DLGAP1: variants seen among roughly 807,000 people sequenced by gnomAD.
The protein encoded by DLGAP1 is disks large-associated protein 1.
In DLGAP1, 11 loss-of-function variants were observed where a neutral mutation model predicts 90.8. The ratio of observed to expected loss-of-function variants is 0.12; its 90% CI spans 0.08 to 0.20. DLGAP1 has a LOEUF of 0.20. Among genes scored for constraint, DLGAP1 ranks in the 10% least tolerant of loss-of-function variants. The pLI is 1.00. For synonymous variants in DLGAP1, 558 were observed against 540.7 expected, an observed-to-expected ratio of 1.03 and a Z score of -0.44; for missense variants, 1,050 against 1,333.8, an observed-to-expected ratio of 0.79 and a Z score of 3.31.
At chr18:4,261,182 G>C (rs919984165) in intron 1 of DLGAP1, among the ~76,000 whole-genome samples, 5 of 152,158 alleles carry the variant, frequency 3.3e-5, no homozygotes, top group African/African-American at 9.7e-5. Context: ...AGGAGAGAGA[G>C]AAAGAAAGGG....
chr18:3,784,554 C>T (rs1451931677), intron 5 of DLGAP1, among the ~76,000 whole-genome samples: 1 of 152,138 alleles, frequency 6.6e-6, no homozygotes, highest in Non-Finnish European at 1.5e-5. Flanking sequence ...TCAACGGCAA[C>T]CCACCCACAA....
chr18:3,719,283 T>C (rs1177840646), intron 7 of DLGAP1, among the ~76,000 whole-genome samples: 2 of 151,728 alleles, frequency 1.3e-5, no homozygotes, highest in Non-Finnish European at 2.9e-5. Context: ...TATGGACTAT[T>C]TGGCCAGGTG....
rs114327566 is a variant in DLGAP1, at chr18:3,873,452, G to A, written c.957+5660C>T. The stretch of plus-strand genomic sequence containing the variant: ...ATAAAGAAAATCATCAATGAATGTG[G>A]TGGATGGGATTTCAGAAAAAGGCAG... On this transcript the variant is annotated intron_variant, in intron 4 of 12. Coordinates refer to ENST00000315677, the MANE Select transcript of DLGAP1 (RefSeq NM_004746.4). 3.4e-3 allele frequency among the ~76,000 whole-genome samples: 515 copies of A among 152,320 alleles called. 3 individuals carry two copies. The highest frequency in any genetic ancestry group is 0.012 in the African/African-American group (479 of 41,576).
intron 1 of DLGAP1, among the ~76,000 whole-genome samples, chr18:4,193,612 A>C (rs2077441066): frequency 6.6e-6 from 1 of 152,248 alleles, no homozygotes; most frequent in Non-Finnish European, 1.5e-5. Context: ...TTGATTACAG[A>C]AACAAGCATA....
At chr18:3,654,537 T>C (rs1360481236) in intron 7 of DLGAP1, among the ~76,000 whole-genome samples, 1 of 152,198 alleles carries the variant, frequency 6.6e-6, no homozygotes, top group African/African-American at 2.4e-5. Flanking sequence ...TTCAAAGCCA[T>C]TCCTTGATAA....
intron 2 of DLGAP1, among the ~76,000 whole-genome samples, chr18:4,077,577 G>C (rs12961534): frequency 0.61 from 91,802 of 151,712 alleles, 28,475 homozygotes; most frequent in Non-Finnish European, 0.65. Context: ...CCTCCTGCCC[G>C]CCTGACCCAC....
intron 1 of DLGAP1, among the ~76,000 whole-genome samples, chr18:4,264,135 T>C (rs2079057479): frequency 6.6e-6 from 1 of 152,244 alleles, no homozygotes; most frequent in African/African-American, 2.4e-5. Context: ...AGGAGCTTCC[T>C]GTATTTTTAG....
intron 5 of DLGAP1, among the ~76,000 whole-genome samples, chr18:3,793,363 T>C (rs182899820): frequency 6.6e-6 from 1 of 152,150 alleles, no homozygotes; most frequent in Admixed American, 6.5e-5. Flanking sequence ...CTGACTTCCA[T>C]CCTTGCCTCC....
chr18:3,656,620 A>G (rs1241037417), intron 7 of DLGAP1, among the ~76,000 whole-genome samples: 2 of 152,042 alleles, frequency 1.3e-5, no homozygotes, highest in African/African-American at 4.8e-5. Context: ...TCTTGGTCTG[A>G]TGGGTTTAGA....
chr18:3,964,598 G>A (rs1407759199), intron 3 of DLGAP1, among the ~76,000 whole-genome samples: 12 of 152,084 alleles, frequency 7.9e-5, no homozygotes, highest in East Asian at 7.7e-4. Context: ...CAGGAGCACC[G>A]CTACTGAAGA....
chr18:4,074,344 G>A (rs1423519124), intron 2 of DLGAP1, among the ~76,000 whole-genome samples: 1 of 151,974 alleles, frequency 6.6e-6, no homozygotes, highest in African/African-American at 2.4e-5. Flanking sequence ...TCATCTAAGG[G>A]CTTGAAGGAG....
At position 4,089,877 on chromosome 18, in the gene DLGAP1, C is replaced by T. The variant is rs182274927; in HGVS notation, c.-159+61303G>A. ...TGGCTAACACGGTGAAACCCCGTCT[C>T]TACTAAAAACACAAAAAATTAGCCA... is the stretch of plus-strand genomic sequence containing the variant. On this transcript the variant is annotated intron_variant, in intron 2 of 12. Coordinates refer to ENST00000315677, the MANE Select transcript of DLGAP1 (RefSeq NM_004746.4). 4.4e-3 allele frequency among the ~76,000 whole-genome samples: 673 copies of T among 152,248 alleles called. 2 individuals carry two copies. The highest frequency in any genetic ancestry group is 0.034 in the Middle Eastern group (10 of 294).
At chr18:4,087,384 G>A (rs561575034) in intron 2 of DLGAP1, among the ~76,000 whole-genome samples, 52 of 152,248 alleles carry the variant, frequency 3.4e-4, no homozygotes, top group African/African-American at 1.2e-3. Context: ...GCGGAAAACT[G>A]CTTAAGGTGT....
intron 7 of DLGAP1, among the ~76,000 whole-genome samples, chr18:3,656,617 C>G (rs576940316): frequency 2.0e-5 from 3 of 152,238 alleles, no homozygotes; most frequent in East Asian, 1.9e-4. Flanking sequence ...TTTTCTTGGT[C>G]TGATGGGTTT....
intron 5 of DLGAP1, among the ~76,000 whole-genome samples, chr18:3,780,537 G>A (rs902068239): frequency 6.6e-6 from 1 of 151,970 alleles, no homozygotes; most frequent in Non-Finnish European, 1.5e-5. Flanking sequence ...CCCCTCCAAC[G>A]CTAACTTTTC....
intron 1 of DLGAP1, among the ~76,000 whole-genome samples, chr18:4,374,183 G>A (rs996238979): frequency 1.3e-5 from 2 of 152,182 alleles, no homozygotes; most frequent in East Asian, 3.9e-4. Context: ...GCATGACCAG[G>A]CTGGCCACTG....
chr18:3,509,487 C>G (rs1245091004), intron 10 of DLGAP1, among the ~76,000 whole-genome samples: 1 of 152,202 alleles, frequency 6.6e-6, no homozygotes, highest in African/African-American at 2.4e-5. Flanking sequence ...TCTGCAGTGT[C>G]CCTGGGGCTC....
intron 7 of DLGAP1, among the ~76,000 whole-genome samples, chr18:3,663,285 C>G (rs887903321): frequency 1.3e-5 from 2 of 151,642 alleles, no homozygotes. Context: ...AAAAAAAGAA[C>G]CTGAATCTCA....
At position 4,269,333 on chromosome 18, in the gene DLGAP1, C is replaced by CATAT. The variant is rs66677805; in HGVS notation, c.-266-118050_-266-118047dup. 1.7e-3 allele frequency among the ~76,000 whole-genome samples: 241 copies of CATAT among 139,754 alleles called. 1 individual carries two copies. Among genetic ancestry groups the CATAT allele is most frequent in the Admixed American group, 8.0e-3 (111 of 13,882 alleles). The allele number at this position is 139,754 out of a possible 152,430, so 91.7% of individuals were successfully genotyped here. A position where few individuals can be genotyped will look rare whatever the true frequency, so the allele number is the denominator to read the frequency against. On this transcript the variant is annotated intron_variant, in intron 1 of 12. Coordinates refer to ENST00000315677, the MANE Select transcript of DLGAP1 (RefSeq NM_004746.4). ...TAATATTCATATTATTTTATATATA[C>CATAT]ATATATATATATATATATATATTTT...
Sources: gnomAD v4.1 joint callset for allele counts (sites outside exome capture counted in the v4.1 genomes callset) on GRCh38, gnomAD v4.1.1 for gene constraint, MANE v1.5 for transcripts, NCBI Gene and HGNC (gene_info 2026-07-23, HGNC 2026-07-21) for gene names.